Variants in EXOC4 observed in about 807,000 individuals in gnomAD.
EXOC4 encodes exocyst complex component 4.
Under a neutral mutation model 107.2 loss-of-function variants are expected in EXOC4, and 71 were observed. That is an observed-to-expected ratio of 0.66 (90% CI 0.55 to 0.81). The LOEUF (loss-of-function observed/expected upper bound fraction) is 0.81. Among genes scored for constraint, EXOC4 ranks in the 30% least tolerant of loss-of-function variants. The pLI is 0.00. For synonymous variants in EXOC4, 456 were observed against 441.2 expected, an observed-to-expected ratio of 1.03 and a Z score of -0.42; for missense variants, 1,108 against 1,189.6, an observed-to-expected ratio of 0.93 and a Z score of 1.01.
At chr7:133,710,257 C>T (rs1794857166) in intron 10 of EXOC4, among the ~76,000 whole-genome samples, 1 of 152,126 alleles carries the variant, frequency 6.6e-6, no homozygotes, top group Non-Finnish European at 1.5e-5. Context: ...CATCCGGAGT[C>T]TTCCCTCTTG....
intron 4 of EXOC4, among the ~76,000 whole-genome samples, chr7:133,316,264 A>C (rs538002928): frequency 6.6e-6 from 1 of 152,248 alleles, no homozygotes; most frequent in South Asian, 2.1e-4. Flanking sequence ...CCAATTGCAC[A>C]CATCCTTCCT....
intron 17 of EXOC4, among the ~76,000 whole-genome samples, chr7:134,052,922 CT>C (rs1350349418): frequency 6.6e-6 from 1 of 152,132 alleles, no homozygotes; most frequent in Non-Finnish European, 1.5e-5. Flanking sequence ...CAGAATAACC[CT>C]TTGTGTTTTA....
chr7:133,885,805 G>T (rs1490377952), intron 11 of EXOC4, among the ~76,000 whole-genome samples: 1 of 152,182 alleles, frequency 6.6e-6, no homozygotes, highest in Non-Finnish European at 1.5e-5. Flanking sequence ...AGTGTGGTTG[G>T]AGCAAGAGAT....
intron 12 of EXOC4, 125 bp downstream of exon 12, chr7:133,895,860 C>A: frequency 9.8e-7 from 1 of 1,019,266 alleles, no homozygotes. Context: ...GAGATGAGAA[C>A]ATGCATCATG....
intron 2 of EXOC4, among the ~76,000 whole-genome samples, chr7:133,276,370 G>A (rs1464088593): frequency 6.6e-6 from 1 of 152,070 alleles, no homozygotes; most frequent in Admixed American, 6.6e-5. Context: ...ATACCATTTA[G>A]TACTACTCTG....
intron 10 of EXOC4, among the ~76,000 whole-genome samples, chr7:133,702,666 G>C (rs1184319223): frequency 6.6e-6 from 1 of 152,082 alleles, no homozygotes; most frequent in Non-Finnish European, 1.5e-5. Context: ...ATCAGAAGCA[G>C]TTGAGGGACC....
intron 2 of EXOC4, among the ~76,000 whole-genome samples, chr7:133,282,933 C>T (rs975407822): frequency 6.6e-6 from 1 of 152,200 alleles, no homozygotes; most frequent in African/African-American, 2.4e-5. Context: ...CTTCTCAACC[C>T]GTCCTCTCAC....
At chr7:133,491,351 A>G (rs1799368435) in intron 9 of EXOC4, among the ~76,000 whole-genome samples, 1 of 152,136 alleles carries the variant, frequency 6.6e-6, no homozygotes, top group Non-Finnish European at 1.5e-5. Flanking sequence ...TTAATGTCTG[A>G]TTTCAGCACC....
intron 9 of EXOC4, among the ~76,000 whole-genome samples, chr7:133,489,357 A>C (rs1191929209): frequency 6.6e-6 from 1 of 152,184 alleles, no homozygotes; most frequent in Non-Finnish European, 1.5e-5. Context: ...ACAATTTTTT[A>C]AGAAGCCTCT....
chr7:133,318,531 A>T (rs1249192038), intron 5 of EXOC4, among the ~76,000 whole-genome samples: 2 of 152,208 alleles, frequency 1.3e-5, no homozygotes, highest in Non-Finnish European at 2.9e-5. Context: ...AATGTTTATT[A>T]TCATTGTCTT....
chr7:133,445,846 T>C (rs772429693), intron 7 of EXOC4, among the ~76,000 whole-genome samples: 83 of 151,880 alleles, frequency 5.5e-4, no homozygotes, highest in Non-Finnish European at 1.2e-4. Flanking sequence ...ACCCCATCTC[T>C]ACAAAAAATA....
chr7:133,798,055 G>A (rs538568497), intron 10 of EXOC4, among the ~76,000 whole-genome samples: 1 of 152,226 alleles, frequency 6.6e-6, no homozygotes, highest in African/African-American at 2.4e-5. Context: ...GTAACTGTCT[G>A]GAGGAAGAGC....
intron 11 of EXOC4, among the ~76,000 whole-genome samples, chr7:133,854,959 A>T (rs1283423557): frequency 2.7e-5 from 4 of 147,730 alleles, no homozygotes; most frequent in African/African-American, 1.0e-4. Context: ...TGCAGCAAGT[A>T]GATGACACAG....
chr7:133,936,838 TTAG>T (rs1401712071), intron 13 of EXOC4, among the ~76,000 whole-genome samples: 1 of 152,122 alleles, frequency 6.6e-6, no homozygotes, highest in Non-Finnish European at 1.5e-5. Context: ...TTTTTGTATT[TTAG>T]TAGAGACGGG....
chr7:133,576,748 G>GTAC, intron 9 of EXOC4: 1 of 1,289,724 alleles, frequency 7.8e-7, no homozygotes, highest in Non-Finnish European at 1.0e-6. Flanking sequence ...GGTCTACAGG[G>GTAC]TACTATTGGA....
chr7:133,611,357 T>G (rs1802072741), intron 9 of EXOC4, among the ~76,000 whole-genome samples: 1 of 152,304 alleles, frequency 6.6e-6, no homozygotes, highest in East Asian at 1.9e-4. Flanking sequence ...AAAAGCATTT[T>G]GAAGCTAGAC....
At chr7:133,405,192 AT>A (rs1271211685) in intron 7 of EXOC4, among the ~76,000 whole-genome samples, 2 of 152,196 alleles carry the variant, frequency 1.3e-5, no homozygotes, top group African/African-American at 4.8e-5. Flanking sequence ...ATCATACAAC[AT>A]TGATTTAGTA....
intron 7 of EXOC4, among the ~76,000 whole-genome samples, chr7:133,438,080 T>C (rs1798016181): frequency 1.3e-5 from 2 of 152,218 alleles, no homozygotes; most frequent in Non-Finnish European, 2.9e-5. Context: ...ACAAGATACT[T>C]TTTCACTCTT....
intron 3 of EXOC4, among the ~76,000 whole-genome samples, chr7:133,295,731 G>T (rs1452534127): frequency 2.0e-5 from 3 of 152,106 alleles, no homozygotes; most frequent in African/African-American, 7.2e-5. Context: ...TTATGCGCAA[G>T]GAATGGGTGA....
Sources: gnomAD v4.1 joint callset for allele counts (sites outside exome capture counted in the v4.1 genomes callset) on GRCh38, gnomAD v4.1.1 for gene constraint, MANE v1.5 for transcripts, NCBI Gene and HGNC (gene_info 2026-07-23, HGNC 2026-07-21) for gene names.